TNPO2: variants seen among roughly 807,000 people sequenced by gnomAD.
TNPO2 encodes the protein transportin 2, also known as transportin-2.
A neutral mutation model predicts 111.1 loss-of-function variants in TNPO2; 16 were observed. The observed-to-expected ratio is 0.14, with a 90% CI of 0.10 to 0.22. TNPO2 has a LOEUF of 0.22. Ranked by LOEUF, TNPO2 falls within the 10% of genes least tolerant of loss-of-function variation. TNPO2 has a pLI of 1.00. For missense variants in TNPO2, 530 were observed against 1,173.7 expected, an observed-to-expected ratio of 0.45 and a Z score of 8.01; for synonymous variants, 481 against 475.8, an observed-to-expected ratio of 1.01 and a Z score of -0.14.
At chr19:12,703,553 GA>G in intron 19 of TNPO2, 27 bp from the exon 20 acceptor site, 1 of 1,611,138 alleles carries the variant, frequency 6.2e-7, no homozygotes, top group South Asian at 1.1e-5. Context: ...GGGGTGCTGA[GA>G]AGGAGGGCCA....
intron 10 of TNPO2, among the ~76,000 whole-genome samples, chr19:12,712,748 G>A (rs547915771): frequency 1.4e-4 from 22 of 152,252 alleles, no homozygotes; most frequent in Non-Finnish European, 2.4e-4. Flanking sequence ...AAATAACAGC[G>A]CAGCCAGACA....
intron 13 of TNPO2, among the ~76,000 whole-genome samples, chr19:12,708,039 C>T (rs1168811200): frequency 1.3e-5 from 2 of 152,176 alleles, no homozygotes; most frequent in Non-Finnish European, 2.9e-5. Context: ...CCAGGCTGGT[C>T]TCGAACTCCT....
chr19:12,718,241 C>T (rs1239215808), intron 5 of TNPO2, among the ~76,000 whole-genome samples: 2 of 151,412 alleles, frequency 1.3e-5, no homozygotes, highest in African/African-American at 4.9e-5. Context: ...TCTCGCCTCA[C>T]TGTAACCTCC....
intron 18 of TNPO2, among the ~76,000 whole-genome samples, chr19:12,704,676 AT>A (rs1435590728): frequency 7.5e-6 from 1 of 133,372 alleles, no homozygotes; most frequent in Non-Finnish European, 1.7e-5. Flanking sequence ...CACATTTTCT[AT>A]TTTCTTTTCT....
intron 13 of TNPO2, among the ~76,000 whole-genome samples, chr19:12,708,378 C>T (rs1235928117): frequency 2.0e-5 from 3 of 150,990 alleles, no homozygotes; most frequent in South Asian, 2.1e-4. Context: ...GTGATCCACC[C>T]GCCTTGGCCT....
Position 12,700,920 on chromosome 19 carries a change from C to T in TNPO2, c.*344G>A, listed in dbSNP as rs147800598. ...CTGACCTGCTCCTCCCTCACCTCAT[C>T]CGAAGCCGGATTCGGTCAGCTGTGT... On this transcript the variant is annotated 3_prime_UTR_variant, in exon 26 of 26. Transcript: ENST00000425528. 1.7e-3 allele frequency: 323 copies of T among 188,728 alleles called. 1 individual carries two copies. Among genetic ancestry groups the T allele is most frequent in the Non-Finnish European group, 3.0e-3 (274 of 89,864 alleles). 11.7% of individuals were successfully genotyped at this position (188,728 alleles called of 1,614,324 possible).
At position 12,711,352 on chromosome 19, in the gene TNPO2, C is replaced by A; in HGVS notation, c.1061G>T (p.Gly354Val). 6.8e-6 allele frequency: 11 copies of A among 1,614,026 alleles called. No homozygotes were observed. The highest frequency in any genetic ancestry group is 9.3e-6 in the Non-Finnish European group (11 of 1,179,900). The part of the protein sequence containing the change: ...TLPHEAERPD[G>V]SEDAEDDDDD... ...ATCGTCATCCTCCGCGTCCTCGGAG[C>A]CATCAGGCCGCTCAGCCTCGTGGGG... is the stretch of plus-strand genomic sequence containing the variant. Residue 354 changes from glycine (G) to valine (V), a missense_variant, in exon 12 of 26, where the codon GGC becomes GTC. Transcript: ENST00000425528.
rs530082557 is a variant in TNPO2, at chr19:12,699,796, G to GA, written c.*1467dup. On this transcript the variant is annotated 3_prime_UTR_variant, in exon 26 of 26. Coordinates refer to ENST00000425528, the MANE Select transcript of TNPO2 (RefSeq NM_001382241.1). ...GATGCAGGGCCTGACCCTGACTATG[G>GA]AAAGACACAGGGCTTGGATGGAGGG... 1,267 of 152,662 alleles carry GA rather than the reference G, an allele frequency of 8.3e-3. 6 individuals carry two copies. Among genetic ancestry groups the GA allele is most frequent in the Middle Eastern group, 0.02 (6 of 294 alleles). 9.5% of individuals were successfully genotyped at this position (152,662 alleles called of 1,614,324 possible). A position where few individuals can be genotyped will look rare whatever the true frequency, so the allele number is the denominator to read the frequency against.
intron 13 of TNPO2, among the ~76,000 whole-genome samples, chr19:12,707,784 G>C (rs557390926): frequency 6.0e-5 from 9 of 151,068 alleles, no homozygotes; most frequent in Middle Eastern, 3.2e-3. Flanking sequence ...GTTTATGATT[G>C]TTCTATTTCT....
In TNPO2 at chr19:12,701,707, C is replaced by T. The variant is rs762679646; in HGVS notation, c.2512-35G>A. The T allele has an allele frequency of 3.7e-6, 6 of 1,613,198 alleles. No individual in the cohort carries two copies. The highest frequency in any genetic ancestry group is 1.6e-4 in the Middle Eastern group (1 of 6,084). ...GACGGATCCCAGGTGAGGGGCCGCCCGAGCCCAGCGCCCGCGCCTGCCCTC... is the reference window on the plus strand; with the variant it reads ...GACGGATCCCAGGTGAGGGGCCGCCTGAGCCCAGCGCCCGCGCCTGCCCTC... On this transcript the variant is annotated intron_variant, in intron 23 of 25. Transcript: ENST00000425528. The surrounding 1 kb of genome is among the most constrained non-coding windows in gnomAD (Gnocchi z 5.0).
Position 12,710,859 on chromosome 19 carries a change from G to A in TNPO2, c.1118-86C>T, listed in dbSNP as rs935854954. 23 of 1,289,706 alleles carry A rather than the reference G, an allele frequency of 1.8e-5. No homozygotes were observed. The East Asian group carries it at 5.9e-4, about 33-fold the overall frequency. 79.9% of individuals were successfully genotyped at this position (1,289,706 alleles called of 1,614,324 possible). A position where few individuals can be genotyped will look rare whatever the true frequency, so the allele number is the denominator to read the frequency against. On this transcript the variant is annotated intron_variant, in intron 12 of 25. Transcript: ENST00000425528. ...CCTTGACTGCACTCCCAGGATCAGA[G>A]ATCATGCTCAGAATCTTCACGATCA...
At position 12,721,190 on chromosome 19, in the gene TNPO2, G is replaced by C. The variant is rs991902546; in HGVS notation, c.-13-200C>G. The C allele has an allele frequency of 1.6e-4, 227 of 1,385,420 alleles. No individual in the cohort carries two copies. Among genetic ancestry groups the C allele is most frequent in the Non-Finnish European group, 1.6e-4 (177 of 1,076,858 alleles). 85.8% of individuals were successfully genotyped at this position (1,385,420 alleles called of 1,614,324 possible). ...CGGCCGCGCAGTCGCGGGCTCGGGA[G>C]CGCGGGAGGGGGGATGTGGAAACGG... On this transcript the variant is annotated intron_variant, in intron 2 of 25. Coordinates refer to ENST00000425528, the MANE Select transcript of TNPO2 (RefSeq NM_001382241.1). The surrounding 1 kb of genome is among the most constrained non-coding windows in gnomAD (Gnocchi z 4.9).
Position 12,702,246 on chromosome 19 carries a change from C to A in TNPO2, c.2306-69G>T. 2 of 1,394,102 alleles carry A rather than the reference C, an allele frequency of 1.4e-6. No individual in the cohort carries two copies. Among genetic ancestry groups the A allele is most frequent in the Non-Finnish European group, 2.0e-6 (2 of 1,005,764 alleles). The allele number at this position is 1,394,102 out of a possible 1,614,324, so 86.4% of individuals were successfully genotyped here. A position where few individuals can be genotyped will look rare whatever the true frequency, so the allele number is the denominator to read the frequency against. On this transcript the variant is annotated intron_variant, in intron 21 of 25. Coordinates refer to ENST00000425528, the MANE Select transcript of TNPO2 (RefSeq NM_001382241.1). The surrounding 1 kb of genome is among the most constrained non-coding windows in gnomAD (Gnocchi z 5.5). ...TGGCACAAGGCACCAAGCCCCGCCC[C>A]ATGAGCCCCAAGGGAATGGCTACTG...
chr19:12,711,769 T>G (rs2026062389), intron 10 of TNPO2, among the ~76,000 whole-genome samples, 156 bp from the exon 11 acceptor site: 1 of 151,916 alleles, frequency 6.6e-6, no homozygotes, highest in South Asian at 2.1e-4. Context: ...TACTGCTAGG[T>G]GCAAATTGAT....
In TNPO2 at chr19:12,719,883, G is replaced by A. The variant is rs1211702499; in HGVS notation, c.100-547C>T. On this transcript the variant is annotated intron_variant, in intron 3 of 25. Transcript: ENST00000425528. The surrounding 1 kb of genome is among the most constrained non-coding windows in gnomAD (Gnocchi z 5.0). ...CTGAAGACCCAGCCAGAGCAGGAGA[G>A]GGAAGGAGAATCCCACTCCTCTTAA... Among the ~76,000 whole-genome samples the A allele has an allele frequency of 6.6e-6, 1 of 151,466 alleles. No individual in the cohort carries two copies. Among genetic ancestry groups the A allele is most frequent in the Non-Finnish European group, 1.5e-5 (1 of 67,958 alleles).
Position 12,723,878 on chromosome 19 carries a change from G to T in TNPO2, c.-240C>A, listed in dbSNP as rs1283998433. On this transcript the variant is annotated 5_prime_UTR_variant, in exon 1 of 26. Transcript: ENST00000425528. ...CGCCTAACTCCACTCGGAGAATCGC[G>T]GAAGACACCCTAAAGGAGCAGTTGG... The T allele has an allele frequency of 6.6e-6, 1 of 152,208 alleles. No homozygotes were observed. Among genetic ancestry groups the T allele is most frequent in the Non-Finnish European group, 1.5e-5 (1 of 68,052 alleles). The allele number at this position is 152,208 out of a possible 1,614,324, so 9.4% of individuals were successfully genotyped here.
chr19:12,720,820 C>A, intron 3 of TNPO2, 59 bp downstream of exon 3: 1 of 1,531,562 alleles, frequency 6.5e-7, no homozygotes, highest in Non-Finnish European at 8.8e-7. Flanking sequence ...CTCTCTCTGG[C>A]CTTTGGAAAC....
In TNPO2 at chr19:12,705,199, C is replaced by T; in HGVS notation, c.2022+41G>A. 6.4e-7 allele frequency: 1 copy of T among 1,567,806 alleles called. No individual in the cohort carries two copies. The highest frequency in any genetic ancestry group is 8.7e-7 in the Non-Finnish European group (1 of 1,154,406). Reference sequence around the variant, plus strand: ...GACTCCCCACCAGGGGCAGCCCACGCAGGCTGCTGGGTGTCATCACTGTCC... The same window carrying T: ...GACTCCCCACCAGGGGCAGCCCACGTAGGCTGCTGGGTGTCATCACTGTCC... On this transcript the variant is annotated intron_variant, in intron 18 of 25. Coordinates refer to ENST00000425528, the MANE Select transcript of TNPO2 (RefSeq NM_001382241.1). The surrounding 1 kb of genome is among the most constrained non-coding windows in gnomAD (Gnocchi z 7.2).
intron 5 of TNPO2, 60 bp downstream of exon 5, chr19:12,718,969 C>T: frequency 1.9e-6 from 3 of 1,597,534 alleles, no homozygotes; most frequent in Non-Finnish European, 2.6e-6. Context: ...CTACACTTAA[C>T]ATGCTGAGAA....
Sources: gnomAD v4.1 joint callset for allele counts (sites outside exome capture counted in the v4.1 genomes callset) on GRCh38, gnomAD v4.1.1 for gene constraint, Gnocchi (gnomAD v3.1) non-coding constraint, MANE v1.5 for transcripts, NCBI Gene and HGNC (gene_info 2026-07-23, HGNC 2026-07-21) for gene names.